Variants in SLC35D2 observed in about 807,000 individuals in gnomAD.
The protein encoded by SLC35D2 is solute carrier family 35 member D2, also known as nucleotide sugar transporter SLC35D2.
Under a neutral mutation model 41.8 loss-of-function variants are expected in SLC35D2, and 43 were observed. The observed-to-expected ratio is 1.03, with a 90% CI of 0.81 to 1.33. The LOEUF (loss-of-function observed/expected upper bound fraction) is 1.33. Among genes scored for constraint, SLC35D2 ranks in the 40% most tolerant of loss-of-function variants. The pLI is 0.00. For synonymous variants in SLC35D2, 150 were observed against 163.9 expected (o/e 0.92, Z 0.65); for missense variants, 380 against 408.4 (o/e 0.93, Z 0.60).
In SLC35D2 at chr9:96,383,548, C is replaced by A; in HGVS notation, c.87G>T (p.Leu29=). ...ARLPSRVARL[L]SALFYGTCSF... ...AGCAGGTCCCGTAGAAGAGCGCCGA[C>A]AGCAGCCGGGCCACCCGCGAGGGCA... The change falls in exon 1 of 12, where the codon CTG becomes CTT. Residue 29 remains leucine (L), a synonymous_variant. Transcript: ENST00000253270. 27 of 1,506,772 alleles carry A rather than the reference C, an allele frequency of 1.8e-5. No homozygotes were observed. Among genetic ancestry groups the A allele is most frequent in the Non-Finnish European group, 2.4e-5 (27 of 1,127,296 alleles). The allele number at this position is 1,506,772 out of a possible 1,614,324, so 93.3% of individuals were successfully genotyped here. A position where few individuals can be genotyped will look rare whatever the true frequency, so the allele number is the denominator to read the frequency against.
chr9:96,364,409 T>C, intron 3 of SLC35D2, 55 bp downstream of exon 3: 2 of 1,077,386 alleles, frequency 1.9e-6, no homozygotes, highest in Non-Finnish European at 2.9e-6. Context: ...TACTCTAAAA[T>C]CAATGTGTAT....
chr9:96,354,007 G>A (rs1218423538), intron 4 of SLC35D2, among the ~76,000 whole-genome samples: 1 of 152,176 alleles, frequency 6.6e-6, no homozygotes, highest in East Asian at 1.9e-4. Context: ...CAGAAAGAAT[G>A]TTCAGGAACT....
chr9:96,374,512 GA>G, intron 1 of SLC35D2, among the ~76,000 whole-genome samples: 1 of 125,258 alleles, frequency 8.0e-6, no homozygotes, highest in East Asian at 2.5e-4. Context: ...CCAGCCTGGC[GA>G]CAAAGCGAGA....
At chr9:96,341,219 A>G (rs1350046014) in intron 8 of SLC35D2, among the ~76,000 whole-genome samples, 1 of 152,150 alleles carries the variant, frequency 6.6e-6, no homozygotes, top group East Asian at 1.9e-4. Context: ...TGTGGGAGAC[A>G]GAAGTTTCAG....
At chr9:96,334,757 G>T (rs142852792) in intron 9 of SLC35D2, among the ~76,000 whole-genome samples, 1 of 152,310 alleles carries the variant, frequency 6.6e-6, no homozygotes, top group African/African-American at 2.4e-5. Context: ...ATTCTCAAGA[G>T]CTGCTGCCAA....
chr9:96,360,576 C>A (rs1190754369), intron 3 of SLC35D2, among the ~76,000 whole-genome samples: 2 of 130,394 alleles, frequency 1.5e-5, no homozygotes, highest in African/African-American at 5.9e-5. Context: ...TTGCAGTGAG[C>A]CAAAACTGCA....
At chr9:96,322,723 T>TTTTTTG (rs1828306050) in intron 10 of SLC35D2, among the ~76,000 whole-genome samples, 1 of 140,656 alleles carries the variant, frequency 7.1e-6, no homozygotes, top group African/African-American at 2.7e-5. Flanking sequence ...TGGGGTTTTT[T>TTTTTTG]TTTTTTTTTT....
chr9:96,315,598 T>G (rs1443349918), intron 11 of SLC35D2, among the ~76,000 whole-genome samples: 1 of 152,134 alleles, frequency 6.6e-6, no homozygotes, highest in Non-Finnish European at 1.5e-5. Context: ...CACGCCCAGC[T>G]AATTTTTTGT....
intron 9 of SLC35D2, among the ~76,000 whole-genome samples, chr9:96,334,324 G>C (rs2130872806): frequency 6.6e-6 from 1 of 152,260 alleles, no homozygotes; most frequent in South Asian, 2.1e-4. Flanking sequence ...CCCAATTTCA[G>C]CTCATGGGAC....
At chr9:96,382,612 A>T (rs954066714) in intron 1 of SLC35D2, among the ~76,000 whole-genome samples, 47 of 151,824 alleles carry the variant, frequency 3.1e-4, no homozygotes, top group African/African-American at 1.1e-3. Flanking sequence ...AGTGAGACCC[A>T]CATAAGCTGA....
chr9:96,321,915 G>C, intron 11 of SLC35D2, 83 bp downstream of exon 11: 1 of 779,516 alleles, frequency 1.3e-6, no homozygotes, highest in Non-Finnish European at 2.1e-6. Flanking sequence ...GACTTCTCCA[G>C]GCTCTTTTGC....
Position 96,383,458 on chromosome 9 carries a change from G to A in SLC35D2, c.158+19C>T, listed in dbSNP as rs1564134970. On this transcript the variant is annotated intron_variant, in intron 1 of 11. Transcript: ENST00000253270. ...GCCCCGCACTCCCGCAGACCCCCCG[G>A]CCCCGGGCCCCGCCTCACCCGTAGG... 2.6e-6 allele frequency: 4 copies of A among 1,516,686 alleles called. No homozygotes were observed. The highest frequency in any genetic ancestry group is 4.0e-5 in the Admixed American group (2 of 49,414). The allele number at this position is 1,516,686 out of a possible 1,614,324, so 94.0% of individuals were successfully genotyped here.
At chr9:96,346,439 C>T (rs146373921) in intron 6 of SLC35D2, among the ~76,000 whole-genome samples, 26 of 152,300 alleles carry the variant, frequency 1.7e-4, no homozygotes, top group African/African-American at 6.0e-4. Flanking sequence ...GGCCGACCCT[C>T]CGTCCAGTGA....
At chr9:96,365,080 G>A (rs1830423988) in intron 2 of SLC35D2, among the ~76,000 whole-genome samples, 1 of 150,928 alleles carries the variant, frequency 6.6e-6, no homozygotes, top group Non-Finnish European at 1.5e-5. Context: ...TCAGCTGGGT[G>A]CCGTGGCTCA....
chr9:96,326,750 G>A (rs998499195), intron 9 of SLC35D2, among the ~76,000 whole-genome samples: 1 of 150,384 alleles, frequency 6.6e-6, no homozygotes, highest in Admixed American at 6.6e-5. Flanking sequence ...AGGTTGCAGT[G>A]AGCCGGGATC....
chr9:96,335,441 C>T (rs1270050677), intron 9 of SLC35D2, among the ~76,000 whole-genome samples: 2 of 152,128 alleles, frequency 1.3e-5, no homozygotes, highest in Admixed American at 1.3e-4. Context: ...CTCACTGCAA[C>T]CTCCACCTCC....
chr9:96,342,916 T>G (rs1004296003), intron 8 of SLC35D2, among the ~76,000 whole-genome samples: 6 of 152,182 alleles, frequency 3.9e-5, no homozygotes, highest in African/African-American at 1.4e-4. Flanking sequence ...TTGCTAAATA[T>G]GGAAACACTG....
At chr9:96,336,826 A>G (rs1425505822) in intron 8 of SLC35D2, 42 bp from the exon 9 acceptor site, 2 of 1,154,006 alleles carry the variant, frequency 1.7e-6, no homozygotes, top group East Asian at 2.5e-5. Context: ...GGTTAATAAT[A>G]CTGCAGTTTA....
intron 1 of SLC35D2, among the ~76,000 whole-genome samples, chr9:96,380,094 A>C (rs990383950): frequency 9.9e-5 from 15 of 151,992 alleles, no homozygotes; most frequent in African/African-American, 3.4e-4. Flanking sequence ...ATGGGGTTTC[A>C]CCATGTTGGT....
Sources: allele counts gnomAD v4.1 joint callset (sites outside exome capture counted in the v4.1 genomes callset), GRCh38; gene constraint gnomAD v4.1.1; transcripts MANE v1.5; gene names NCBI Gene and HGNC (gene_info 2026-07-23, HGNC 2026-07-21).